The following EVA1C variants were observed in gnomAD, a reference collection of about 807,000 sequenced individuals.
EVA1C encodes protein eva-1 homolog C.
Under a neutral mutation model 45.4 loss-of-function variants are expected in EVA1C, and 25 were observed. That is an observed-to-expected ratio of 0.55 (90% CI 0.40 to 0.77). The LOEUF is 0.77. Among genes scored for constraint, EVA1C ranks in the 30% least tolerant of loss-of-function variants. The probability of loss-of-function intolerance (pLI) is 0.00; values close to 1 mark genes in which losing one functional copy is unlikely to be tolerated. For synonymous variants in EVA1C, 190 were observed against 221.2 expected (o/e 0.86, Z 1.25); for missense variants, 479 against 554.8 (o/e 0.86, Z 1.37).
intron 7 of EVA1C, among the ~76,000 whole-genome samples, chr21:32,511,146 T>C (rs2037934390): frequency 6.6e-6 from 1 of 152,088 alleles, no homozygotes; most frequent in African/African-American, 2.4e-5. Context: ...CTAGGCACGG[T>C]GGCTCACGCC....
chr21:32,432,041 T>C (rs2034725834), intron 1 of EVA1C, among the ~76,000 whole-genome samples: 1 of 152,214 alleles, frequency 6.6e-6, no homozygotes, highest in African/African-American at 2.4e-5. Flanking sequence ...AGTTTTTCTT[T>C]ATCTTTCATG....
chr21:32,412,816 T>C lies in EVA1C; in HGVS notation c.-38T>C, dbSNP rs2033872021. ...CCTTAGCCCTGCGACCCCCAGCGCG[T>C]CCCGGGCCTGCGCCTCCGCCCCGCC... is the stretch of plus-strand genomic sequence containing the variant. On this transcript the variant is annotated 5_prime_UTR_variant, in exon 1 of 8. Coordinates refer to ENST00000300255, the MANE Select transcript of EVA1C (RefSeq NM_058187.5). The C allele has an allele frequency of 7.4e-7, 1 of 1,359,188 alleles. No homozygotes were observed. Among genetic ancestry groups the C allele is most frequent in the South Asian group, 1.8e-5 (1 of 55,840 alleles). 84.2% of individuals were successfully genotyped at this position (1,359,188 alleles called of 1,614,324 possible).
intron 1 of EVA1C, among the ~76,000 whole-genome samples, chr21:32,446,234 A>G (rs2035360752): frequency 9.5e-6 from 1 of 105,794 alleles, no homozygotes; most frequent in Non-Finnish European, 2.2e-5. Flanking sequence ...CAGAAAAAGA[A>G]AAAAAAAAAG....
At chr21:32,494,088 C>T (rs117865166) in intron 4 of EVA1C, among the ~76,000 whole-genome samples, 1,559 of 152,340 alleles carry the variant, frequency 0.01, 15 homozygotes, top group Non-Finnish European at 0.016. Flanking sequence ...GCGTGAGCCA[C>T]TGTGCCTGGT....
Position 32,499,619 on chromosome 21 carries a change from G to C in EVA1C, c.779-1796G>C, listed in dbSNP as rs572582818. 2.0e-5 allele frequency among the ~76,000 whole-genome samples: 3 copies of C among 152,370 alleles called. No homozygotes were observed. The South Asian group carries it at 6.2e-4, about 32-fold the overall frequency. On this transcript the variant is annotated intron_variant, in intron 5 of 7. Coordinates refer to ENST00000300255, the MANE Select transcript of EVA1C (RefSeq NM_058187.5). ...GAGGAAACAAGGTTTTCTTGCTGCT[G>C]AAGATGCCTCACTTGTTCTTTTATA...
Position 32,514,992 on chromosome 21 carries a change from AGAG to A in EVA1C, c.1137_1139del (p.Glu379del), listed in dbSNP as rs2038090796. 1.2e-6 allele frequency: 2 copies of A among 1,614,182 alleles called. No individual in the cohort carries two copies. Among genetic ancestry groups the A allele is most frequent in the Non-Finnish European group, 1.7e-6 (2 of 1,180,010 alleles). On this transcript the variant is annotated inframe_deletion, in exon 8 of 8. Coordinates refer to ENST00000300255, the MANE Select transcript of EVA1C (RefSeq NM_058187.5). Reference sequence around the variant, plus strand: ...TCGAGGAGGACAGCGAGGATGAAGAAGAGGAGGAGGACCCCTCTGAGTCTGATT... The same window carrying A: ...TCGAGGAGGACAGCGAGGATGAAGAAGAGGAGGACCCCTCTGAGTCTGATT...
chr21:32,472,015 G>A (rs1282445818), intron 4 of EVA1C, among the ~76,000 whole-genome samples: 5 of 152,106 alleles, frequency 3.3e-5, no homozygotes, highest in Non-Finnish European at 7.3e-5. Context: ...GCAGCAGTAA[G>A]TAACATCCCT....
chr21:32,432,259 G>C (rs2034733891), intron 1 of EVA1C, among the ~76,000 whole-genome samples: 1 of 152,140 alleles, frequency 6.6e-6, no homozygotes, highest in African/African-American at 2.4e-5. Context: ...TGATCATTCA[G>C]TGAAGGTGGG....
chr21:32,497,688 A>G (rs2037397659), intron 5 of EVA1C, among the ~76,000 whole-genome samples: 3 of 152,174 alleles, frequency 2.0e-5, no homozygotes, highest in Admixed American at 6.5e-5. Context: ...ATAAAGACAT[A>G]CCCGAGACTA....
intron 2 of EVA1C, 92 bp downstream of exon 2, chr21:32,453,600 T>G (rs2035668531): frequency 1.0e-6 from 1 of 998,526 alleles, no homozygotes; most frequent in Non-Finnish European, 1.5e-6. Flanking sequence ...GATTATATAG[T>G]TCAATCCAAG....
chr21:32,478,551 A>T (rs1430768879), intron 4 of EVA1C, among the ~76,000 whole-genome samples: 1 of 152,152 alleles, frequency 6.6e-6, no homozygotes, highest in Non-Finnish European at 1.5e-5. Context: ...GACTGACCCA[A>T]AGTCTTTTCT....
intron 4 of EVA1C, among the ~76,000 whole-genome samples, chr21:32,468,391 C>CAA (rs200665323): frequency 0.015 from 2,235 of 149,938 alleles, 24 homozygotes; most frequent in Non-Finnish European, 0.019. Flanking sequence ...AACAAACAAA[C>CAA]AAAAAAACAA....
intron 1 of EVA1C, among the ~76,000 whole-genome samples, chr21:32,429,471 A>C (rs1474264571): frequency 6.6e-6 from 1 of 151,906 alleles, no homozygotes; most frequent in Non-Finnish European, 1.5e-5. Context: ...CTCCTGCCTC[A>C]GCCTCCTGAG....
At chr21:32,440,404 G>A (rs901586902) in intron 1 of EVA1C, among the ~76,000 whole-genome samples, 1 of 152,198 alleles carries the variant, frequency 6.6e-6, no homozygotes, top group Non-Finnish European at 1.5e-5. Context: ...GTCAGATGGT[G>A]TTCGCTGCAT....
chr21:32,457,852 C>A, intron 3 of EVA1C, 132 bp downstream of exon 3: 1 of 977,470 alleles, frequency 1.0e-6, no homozygotes, highest in Middle Eastern at 2.7e-4. Flanking sequence ...TGGGCTCCAT[C>A]CTACCCAGTT....
At chr21:32,416,332 T>C (rs1164442638) in intron 1 of EVA1C, among the ~76,000 whole-genome samples, 22 of 148,330 alleles carry the variant, frequency 1.5e-4, no homozygotes, top group South Asian at 2.2e-4. Flanking sequence ...TTTTTTTTTT[T>C]TTTTTTTTCT....
In EVA1C at chr21:32,484,525, CAA is replaced by C. The variant is rs551160216; in HGVS notation, c.635-10500_635-10499del. Among the ~76,000 whole-genome samples, 14 of 143,666 alleles carry C rather than the reference CAA, an allele frequency of 9.7e-5. No individual in the cohort carries two copies. The South Asian group carries it at 3.1e-3, about 32-fold the overall frequency. 94.3% of individuals were successfully genotyped at this position (143,666 alleles called of 152,430 possible). On this transcript the variant is annotated intron_variant, in intron 4 of 7. Coordinates refer to ENST00000300255, the MANE Select transcript of EVA1C (RefSeq NM_058187.5). ...TGCCAATGCGCTCCAGCCTGGGCGACAAAGAGAGACTCCATCTCAAAAAAAAA... is the reference window on the plus strand; with the variant it reads ...TGCCAATGCGCTCCAGCCTGGGCGACAGAGAGACTCCATCTCAAAAAAAAA...
Position 32,413,007 on chromosome 21 carries a change from T to G in EVA1C, c.154T>G (p.Phe52Val), listed in dbSNP as rs1204958860. 2 of 1,421,656 alleles carry G rather than the reference T, an allele frequency of 1.4e-6. No individual in the cohort carries two copies. The highest frequency in any genetic ancestry group is 1.9e-6 in the Non-Finnish European group (2 of 1,077,986). The allele number at this position is 1,421,656 out of a possible 1,614,324, so 88.1% of individuals were successfully genotyped here. ...CAAAGAGATCTCAGCGCTCACCGAC[T>G]TCTCTGGTAAGAGCGCCCTCCCTGG... ...CSKEISALTD[F>V]SGYLTKLLQN... Residue 52 changes from phenylalanine (F) to valine (V), a missense_variant, in exon 1 of 8, where the codon TTC (phenylalanine) becomes GTC (valine). Phe to Val is a conservative substitution (Grantham distance 50). Around this residue, in one of 3 missense-constraint regions of EVA1C, gnomAD observed 33 missense variants for 64.9 expected, o/e 0.51. Coordinates refer to ENST00000300255, the MANE Select transcript of EVA1C (RefSeq NM_058187.5).
chr21:32,476,060 CTG>C (rs1299997104), intron 4 of EVA1C, among the ~76,000 whole-genome samples: 1 of 151,340 alleles, frequency 6.6e-6, no homozygotes, highest in Admixed American at 6.6e-5. Flanking sequence ...CTTTCTTTGA[CTG>C]TGAATGACCT....
Sources: allele counts gnomAD v4.1 joint callset (sites outside exome capture counted in the v4.1 genomes callset), GRCh38; gene constraint gnomAD v4.1.1; regional missense constraint gnomAD v4.1.1; transcripts MANE v1.5; gene names NCBI Gene and HGNC (gene_info 2026-07-23, HGNC 2026-07-21).